STIM1: variants seen among roughly 807,000 people sequenced by gnomAD.
STIM1 encodes the protein stromal interaction molecule 1.
STIM1 carries 25 observed loss-of-function variants against 74.7 expected under a neutral mutation model. The ratio of observed to expected loss-of-function variants is 0.33; its 90% CI spans 0.24 to 0.47. STIM1 has a LOEUF of 0.47. Among genes scored for constraint, STIM1 ranks in the 20% least tolerant of loss-of-function variants. STIM1 has a pLI of 1.00. For missense variants in STIM1, 728 were observed against 920.8 expected (o/e 0.79, Z 2.71); for synonymous variants, 328 against 348.8 (o/e 0.94, Z 0.66).
intron 1 of STIM1, chr11:3,903,512 C>T (rs2092399322): frequency 6.6e-6 from 1 of 152,142 alleles, no homozygotes; most frequent in Admixed American, 6.5e-5. Context: ...TCAGCTCAGC[C>T]CATTTTAGAA....
intron 2 of STIM1, among the ~76,000 whole-genome samples, chr11:4,014,933 C>T (rs1308397237): frequency 6.6e-6 from 1 of 152,126 alleles, no homozygotes; most frequent in African/African-American, 2.4e-5. Context: ...TTATTTTGAG[C>T]CTATGTGTGT....
chr11:3,917,624 A>G (rs1322549487), intron 1 of STIM1, among the ~76,000 whole-genome samples: 1 of 152,032 alleles, frequency 6.6e-6, no homozygotes, highest in Non-Finnish European at 1.5e-5. Flanking sequence ...TTGTAGAGAC[A>G]GGATTTTGCC....
intron 2 of STIM1, among the ~76,000 whole-genome samples, chr11:3,974,584 G>T (rs1030136512): frequency 5.3e-5 from 8 of 150,380 alleles, no homozygotes; most frequent in African/African-American, 2.0e-4. Context: ...TCTCTTAAAA[G>T]AAAAGAAAAA....
intron 2 of STIM1, among the ~76,000 whole-genome samples, chr11:4,000,320 A>T (rs1225932683): frequency 6.6e-6 from 1 of 150,914 alleles, no homozygotes; most frequent in Admixed American, 6.6e-5. Flanking sequence ...GAGCAGCCTA[A>T]CTGGGAGGCA....
Position 3,957,061 on chromosome 11 carries a change from G to A in STIM1, c.140-10491G>A, listed in dbSNP as rs1318789706. On this transcript the variant is annotated intron_variant, in intron 1 of 12. Coordinates refer to ENST00000526596, the MANE Select transcript of STIM1 (RefSeq NM_001382567.1). ...GCAAACCAAGGAATAAATATATCAT[G>A]TGTCAGGTGGAATCAAATGCTATGA... 2.6e-5 allele frequency among the ~76,000 whole-genome samples: 4 copies of A among 152,030 alleles called. No individual in the cohort carries two copies. In the East Asian group the frequency reaches 7.7e-4, roughly 29 times the overall value.
intron 2 of STIM1, among the ~76,000 whole-genome samples, chr11:4,016,161 T>A (rs928368946): frequency 6.6e-6 from 1 of 152,220 alleles, no homozygotes; most frequent in African/African-American, 2.4e-5. Context: ...TCTGTTCTGG[T>A]TTCTCCCCAT....
chr11:4,082,787 A>G, intron 8 of STIM1, 95 bp from the exon 9 acceptor site: 1 of 960,676 alleles, frequency 1.0e-6, no homozygotes, highest in South Asian at 1.3e-5. Flanking sequence ...CAGTTGTGCT[A>G]GGAGGAGTGG....
intron 1 of STIM1, among the ~76,000 whole-genome samples, chr11:3,950,891 G>A (rs1434369644): frequency 6.6e-6 from 1 of 152,178 alleles, no homozygotes; most frequent in African/African-American, 2.4e-5. Flanking sequence ...GTCTCTCAAA[G>A]TATTGGGATT....
At chr11:3,914,145 A>G (rs1267569147) in intron 1 of STIM1, among the ~76,000 whole-genome samples, 2 of 152,116 alleles carry the variant, frequency 1.3e-5, no homozygotes, top group African/African-American at 2.4e-5. Context: ...CCCTCCTGCT[A>G]GCCTTTGTTA....
At chr11:3,987,844 G>T (rs912338196) in intron 2 of STIM1, among the ~76,000 whole-genome samples, 2 of 145,038 alleles carry the variant, frequency 1.4e-5, no homozygotes, top group Non-Finnish European at 3.0e-5. Flanking sequence ...CACACACACA[G>T]TGTGTATATA....
At chr11:4,019,321 T>C in intron 2 of STIM1, among the ~76,000 whole-genome samples, 1 of 152,184 alleles carries the variant, frequency 6.6e-6, no homozygotes, top group Admixed American at 6.5e-5. Flanking sequence ...TTTATTTAAA[T>C]TATATTTTAT....
At chr11:3,976,276 C>T (rs1240936017) in intron 2 of STIM1, among the ~76,000 whole-genome samples, 1 of 152,170 alleles carries the variant, frequency 6.6e-6, no homozygotes, top group Admixed American at 6.5e-5. Context: ...GGAAAGAAAC[C>T]AGTCTCAAAA....
chr11:4,038,813 C>T (rs562598850), intron 3 of STIM1, among the ~76,000 whole-genome samples: 5 of 152,092 alleles, frequency 3.3e-5, no homozygotes, highest in East Asian at 1.9e-4. Context: ...CCAGATCTGA[C>T]GAGGTCTTTG....
At chr11:3,968,636 A>T (rs2093362633) in intron 2 of STIM1, among the ~76,000 whole-genome samples, 1 of 152,202 alleles carries the variant, frequency 6.6e-6, no homozygotes. Flanking sequence ...AGGCATGGAG[A>T]TGGGACTGTA....
intron 7 of STIM1, 111 bp downstream of exon 7, chr11:4,074,790 C>T: frequency 8.0e-7 from 1 of 1,246,672 alleles, no homozygotes; most frequent in Non-Finnish European, 1.1e-6. Flanking sequence ...GATCCAAAGA[C>T]TATGTTCTAG....
chr11:3,958,042 T>C (rs1032333165), intron 1 of STIM1, among the ~76,000 whole-genome samples: 1 of 152,206 alleles, frequency 6.6e-6, no homozygotes, highest in Non-Finnish European at 1.5e-5. Flanking sequence ...ATTTTTGTAT[T>C]TTTAATAGAG....
At chr11:3,929,152 T>C (rs1257416920) in intron 1 of STIM1, among the ~76,000 whole-genome samples, 3 of 152,338 alleles carry the variant, frequency 2.0e-5, no homozygotes, top group Middle Eastern at 3.4e-3. Context: ...CGATGATTCT[T>C]GTTAAATTTT....
At chr11:3,927,984 A>G (rs1232619930) in intron 1 of STIM1, among the ~76,000 whole-genome samples, 1 of 152,108 alleles carries the variant, frequency 6.6e-6, no homozygotes, top group African/African-American at 2.4e-5. Flanking sequence ...AAGTATTTAA[A>G]CTTTGTTGGC....
chr11:4,071,185 C>G (rs1237962466), intron 6 of STIM1, among the ~76,000 whole-genome samples: 1 of 152,008 alleles, frequency 6.6e-6, no homozygotes, highest in Non-Finnish European at 1.5e-5. Flanking sequence ...AATAGAGAGT[C>G]AAATCAGGTT....
Sources: gnomAD v4.1 joint callset for allele counts (sites outside exome capture counted in the v4.1 genomes callset) on GRCh38, gnomAD v4.1.1 for gene constraint, MANE v1.5 for transcripts, NCBI Gene and HGNC (gene_info 2026-07-23, HGNC 2026-07-21) for gene names.